HK1: variants seen among roughly 807,000 people sequenced by gnomAD.
HK1 encodes the protein hexokinase-1.
A neutral mutation model predicts 91.6 loss-of-function variants in HK1; 28 were observed. The ratio of observed to expected loss-of-function variants is 0.31; its 90% confidence interval spans 0.23 to 0.42. HK1 has a LOEUF of 0.42. Ranked by LOEUF, HK1 falls within the 10% of genes least tolerant of loss-of-function variation. HK1 has a pLI of 1.00. For missense variants in HK1, 770 were observed against 1,219.8 expected, an observed-to-expected ratio of 0.63 and a Z score of 5.49; for synonymous variants, 430 against 468.1, an observed-to-expected ratio of 0.92 and a Z score of 1.05.
intron 1 of HK1, among the ~76,000 whole-genome samples, chr10:69,281,237 T>A (rs1844731375): frequency 6.6e-6 from 1 of 152,160 alleles, no homozygotes; most frequent in South Asian, 2.1e-4. Flanking sequence ...ATTCAGTAGG[T>A]CTGTGGAAGG....
At chr10:69,362,934 C>T (rs148119129) in intron 3 of HK1, among the ~76,000 whole-genome samples, 4 of 152,294 alleles carry the variant, frequency 2.6e-5, no homozygotes, top group Admixed American at 6.5e-5. Context: ...GAAGGTCCTA[C>T]ATTAAAATTG....
chr10:69,324,547 C>A (rs1290105169), intron 1 of HK1, among the ~76,000 whole-genome samples: 1 of 151,764 alleles, frequency 6.6e-6, no homozygotes, highest in Non-Finnish European at 1.5e-5. Context: ...AGCTGACACT[C>A]CAGTCTGGGT....
chr10:69,400,962 A>G (rs376121275), intron 17 of HK1, 29 bp from the exon 18 acceptor site: 310 of 1,613,872 alleles, frequency 1.9e-4, no homozygotes, highest in Non-Finnish European at 2.6e-4. Flanking sequence ...TCTTCCTCCA[A>G]CTACCTTCTG....
chr10:69,279,150 T>G (rs186657774), intron 1 of HK1, among the ~76,000 whole-genome samples: 21 of 152,318 alleles, frequency 1.4e-4, no homozygotes, highest in Admixed American at 5.9e-4. Flanking sequence ...TTCACAGGCC[T>G]AGGGAGCACT....
upstream of HK1, among the ~76,000 whole-genome samples, chr10:69,313,341 G>C (rs910564423): frequency 2.0e-5 from 3 of 152,228 alleles, no homozygotes; most frequent in African/African-American, 7.2e-5. Context: ...CATATGCGGG[G>C]AAGGCGCTGG....
chr10:69,362,718 C>T (rs111896160), intron 3 of HK1, among the ~76,000 whole-genome samples: 7,305 of 152,236 alleles, frequency 0.048, 591 homozygotes, highest in African/African-American at 0.17. Context: ...TCCCTTCACC[C>T]GGCCTTCTCT....
chr10:69,335,063 A>G (rs1219027881), intron 1 of HK1, among the ~76,000 whole-genome samples: 1 of 152,070 alleles, frequency 6.6e-6, no homozygotes, highest in Non-Finnish European at 1.5e-5. Flanking sequence ...TGGTTGCTTT[A>G]GGGACCCCAC....
Position 69,364,662 on chromosome 10 carries a change from C to T in HK1, c.376-121C>T, listed in dbSNP as rs769539117. On this transcript the variant is annotated intron_variant, in intron 3 of 17. Transcript: ENST00000359426. ...ACAGGGCCACCAGGTCCCAGGAGTACGAGCACTTTGTTTGGGTAGATGTAT... is the reference window on the plus strand; with the variant it reads ...ACAGGGCCACCAGGTCCCAGGAGTATGAGCACTTTGTTTGGGTAGATGTAT... 3.9e-5 allele frequency: 49 copies of T among 1,245,062 alleles called. No individual in the cohort carries two copies. In the South Asian group the frequency reaches 4.0e-4, roughly 10 times the overall value. 77.1% of individuals were successfully genotyped at this position (1,245,062 alleles called of 1,614,324 possible). A position where few individuals can be genotyped will look rare whatever the true frequency, so the allele number is the denominator to read the frequency against.
chr10:69,302,734 CA>C (rs1487464315), intron 5 of HK1, among the ~76,000 whole-genome samples: 2 of 114,164 alleles, frequency 1.8e-5, no homozygotes, highest in African/African-American at 6.9e-5. Flanking sequence ...CCAGCCTGGG[CA>C]AAACTATGGG....
At chr10:69,328,338 C>T (rs926483263) in intron 1 of HK1, among the ~76,000 whole-genome samples, 2 of 152,202 alleles carry the variant, frequency 1.3e-5, no homozygotes, top group African/African-American at 4.8e-5. Flanking sequence ...TCGGAGACCT[C>T]GAGGGTGCCT....
intron 2 of HK1, among the ~76,000 whole-genome samples, chr10:69,353,722 G>A (rs1368479620): frequency 6.6e-6 from 1 of 151,992 alleles, no homozygotes; most frequent in Non-Finnish European, 1.5e-5. Context: ...CACATCTGGA[G>A]GGGGCATGGA....
intron 10 of HK1, among the ~76,000 whole-genome samples, chr10:69,383,982 C>T (rs529437647): frequency 6.6e-6 from 1 of 152,376 alleles, no homozygotes; most frequent in East Asian, 1.9e-4. Context: ...GGATTTTGCA[C>T]ATGCAGGGAA....
intron 5 of HK1, among the ~76,000 whole-genome samples, chr10:69,304,692 T>C (rs139398854): frequency 6.6e-6 from 1 of 152,274 alleles, no homozygotes; most frequent in Non-Finnish European, 1.5e-5. Flanking sequence ...AGCTTGGAGG[T>C]TAAAAGCAAG....
At chr10:69,342,900 G>A (rs1357449398) in intron 1 of HK1, among the ~76,000 whole-genome samples, 2 of 152,230 alleles carry the variant, frequency 1.3e-5, no homozygotes, top group Non-Finnish European at 2.9e-5. Flanking sequence ...AAGATGCCAT[G>A]AAGGACAAAC....
At chr10:69,294,411 G>C (rs1016374750) in intron 3 of HK1, among the ~76,000 whole-genome samples, 1 of 152,170 alleles carries the variant, frequency 6.6e-6, no homozygotes, top group Non-Finnish European at 1.5e-5. Context: ...AAATTTGTGA[G>C]GCAAAGGAAG....
intron 4 of HK1, among the ~76,000 whole-genome samples, chr10:69,296,518 A>G (rs1845571020): frequency 6.6e-6 from 1 of 152,192 alleles, no homozygotes; most frequent in East Asian, 1.9e-4. Context: ...AGTGAAGCTC[A>G]ATATTTTTTC....
intron 7 of HK1, among the ~76,000 whole-genome samples, chr10:69,371,492 TTC>T (rs1850003185): frequency 6.6e-6 from 1 of 152,190 alleles, no homozygotes; most frequent in South Asian, 2.1e-4. Flanking sequence ...ATCTCTAAAA[TTC>T]TCAAATCTCC....
intron 1 of HK1, among the ~76,000 whole-genome samples, chr10:69,324,481 T>G (rs1040441757): frequency 2.0e-5 from 3 of 151,868 alleles, no homozygotes; most frequent in African/African-American, 4.8e-5. Flanking sequence ...AGTCCCAGCT[T>G]CTCGGGAGGC....
intron 1 of HK1, among the ~76,000 whole-genome samples, chr10:69,324,926 TTTGA>T (rs1847242504): frequency 1.3e-5 from 2 of 152,110 alleles, no homozygotes; most frequent in Admixed American, 1.3e-4. Flanking sequence ...AATTTTACAG[TTTGA>T]TTGGTCTTGA....
Sources: allele counts gnomAD v4.1 joint callset (sites outside exome capture counted in the v4.1 genomes callset), GRCh38; gene constraint gnomAD v4.1.1; transcripts MANE v1.5; gene names NCBI Gene and HGNC (gene_info 2026-07-23, HGNC 2026-07-21).